Variants in RGS21 observed in about 807,000 individuals in gnomAD.
RGS21 encodes the protein regulator of G-protein signalling 21.
In RGS21, 19 loss-of-function variants were observed where a neutral mutation model predicts 18.7. The observed-to-expected ratio is 1.01, with a 90% CI of 0.71 to 1.49. The LOEUF is 1.49. RGS21 is among the 40% of genes most tolerant of loss of function. The pLI is 0.00. For synonymous variants in RGS21, 56 were observed against 57.8 expected (o/e 0.97, Z 0.14); for missense variants, 194 against 176.8 (o/e 1.10, Z -0.55).
intron 2 of RGS21, among the ~76,000 whole-genome samples, chr1:192,343,422 C>T (rs1052932758): frequency 3.9e-5 from 6 of 152,064 alleles, no homozygotes; most frequent in African/African-American, 1.4e-4. Flanking sequence ...AAGGAAGCAG[C>T]TGTCACTTCC....
chr1:192,363,720 T>G (rs546135614), intron 4 of RGS21, among the ~76,000 whole-genome samples: 1 of 152,212 alleles, frequency 6.6e-6, no homozygotes, highest in East Asian at 1.9e-4. Flanking sequence ...GGATCTCCTT[T>G]TACAATATTA....
chr1:192,331,282 G>A (rs1658643932), intron 1 of RGS21, among the ~76,000 whole-genome samples: 2 of 152,158 alleles, frequency 1.3e-5, no homozygotes, highest in Admixed American at 1.3e-4. Flanking sequence ...GGCTGGGTGT[G>A]GTGGCTCACG....
chr1:192,345,903 C>T (rs1354091400), intron 2 of RGS21, among the ~76,000 whole-genome samples: 2 of 151,844 alleles, frequency 1.3e-5, no homozygotes, highest in Non-Finnish European at 2.9e-5. Context: ...TTATAGAGTA[C>T]ACAAAATATC....
intron 3 of RGS21, among the ~76,000 whole-genome samples, chr1:192,348,347 G>A (rs978226185): frequency 4.6e-5 from 7 of 152,084 alleles, no homozygotes; most frequent in Middle Eastern, 6.8e-3. Context: ...ATTTGATCAC[G>A]ACTGCCTTTG....
At chr1:192,337,262 C>T (rs569709531) in intron 1 of RGS21, among the ~76,000 whole-genome samples, 10 of 152,000 alleles carry the variant, frequency 6.6e-5, no homozygotes, top group South Asian at 2.1e-4. Flanking sequence ...AGGAATCATT[C>T]CTCTCAGTAT....
intron 4 of RGS21, among the ~76,000 whole-genome samples, chr1:192,353,636 T>C (rs561961841): frequency 6.6e-6 from 1 of 151,830 alleles, no homozygotes; most frequent in Non-Finnish European, 1.5e-5. Flanking sequence ...AAATGTCATC[T>C]TTTAATTATA....
At chr1:192,364,149 G>C (rs1659223444) in intron 4 of RGS21, among the ~76,000 whole-genome samples, 1 of 152,032 alleles carries the variant, frequency 6.6e-6, no homozygotes, top group Non-Finnish European at 1.5e-5. Flanking sequence ...GACTTGAAAA[G>C]GATCCCCAAG....
chr1:192,353,981 T>C (rs1408522825), intron 4 of RGS21, among the ~76,000 whole-genome samples: 1 of 151,656 alleles, frequency 6.6e-6, no homozygotes, highest in Admixed American at 6.6e-5. Context: ...TATATACATA[T>C]ATATATGAAA....
At chr1:192,365,624 GA>G (rs1659247933) in intron 4 of RGS21, among the ~76,000 whole-genome samples, 1 of 152,010 alleles carries the variant, frequency 6.6e-6, no homozygotes, top group Non-Finnish European at 1.5e-5. Flanking sequence ...AAAGGTAGGT[GA>G]AAAAAATGTA....
intron 4 of RGS21, among the ~76,000 whole-genome samples, chr1:192,363,148 A>C (rs1255721423): frequency 2.0e-5 from 3 of 152,186 alleles, no homozygotes; most frequent in Non-Finnish European, 4.4e-5. Context: ...AATACAGGGC[A>C]CACATAAAAG....
In RGS21 at chr1:192,352,049, G is replaced by A; in HGVS notation, c.91G>A (p.Gly31Ser). 6.3e-7 allele frequency: 1 copy of A among 1,581,488 alleles called. No homozygotes were observed. The highest frequency in any genetic ancestry group is 1.2e-5 in the South Asian group (1 of 86,750). ...NMDTLLANQAGLDAFRIFLKS... is the reference protein window; with the variant it reads ...NMDTLLANQASLDAFRIFLKS... ...ACTTTTTCTCATATATTTTATAGCT[G>A]GTCTAGATGCTTTTCGAATATTTCT... Residue 31 changes from glycine to serine, a missense_variant and splice_region_variant, in exon 4 of 5, where the codon GGT becomes AGT. Coordinates refer to ENST00000417209, the MANE Select transcript of RGS21 (RefSeq NM_001039152.3).
chr1:192,326,789 G>A lies in RGS21; in HGVS notation c.-61+9684G>A, dbSNP rs1029891382. 2.0e-5 allele frequency among the ~76,000 whole-genome samples: 3 copies of A among 152,216 alleles called. No individual in the cohort carries two copies. The South Asian group carries it at 6.2e-4, about 32-fold the overall frequency. ...AACTTTGGAAGTAGCATCTTTATGTGCCTATCATTTAAGTCAAGAAGGACA... is the reference window on the plus strand; with the variant it reads ...AACTTTGGAAGTAGCATCTTTATGTACCTATCATTTAAGTCAAGAAGGACA... On this transcript the variant is annotated intron_variant, in intron 1 of 4. Transcript: ENST00000417209.
intron 3 of RGS21, among the ~76,000 whole-genome samples, chr1:192,351,497 C>T (rs1250690923): frequency 5.9e-5 from 9 of 151,682 alleles, no homozygotes; most frequent in African/African-American, 9.7e-5. Flanking sequence ...TTGACCTGAG[C>T]GTAGTGCAAT....
intron 1 of RGS21, among the ~76,000 whole-genome samples, chr1:192,341,495 TA>T (rs1658861190): frequency 6.6e-6 from 1 of 152,108 alleles, no homozygotes; most frequent in South Asian, 2.1e-4. Context: ...TTCAGCCTAA[TA>T]AGAAAGCTTA....
In RGS21 at chr1:192,366,720, TG is replaced by T. The variant is rs1291132145; in HGVS notation, c.*598del. On this transcript the variant is annotated 3_prime_UTR_variant, in exon 5 of 5. Coordinates refer to ENST00000417209, the MANE Select transcript of RGS21 (RefSeq NM_001039152.3). ...CCAAAGTTTTTCAAAATATATCACTTGGCTCAATTCAATGGCATCACATATA... is the reference window on the plus strand; with the variant it reads ...CCAAAGTTTTTCAAAATATATCACTTGCTCAATTCAATGGCATCACATATA... 6.6e-6 allele frequency: 1 copy of T among 152,068 alleles called. No homozygotes were observed. Among genetic ancestry groups the T allele is most frequent in the African/African-American group, 2.4e-5 (1 of 41,446 alleles). The allele number at this position is 152,068 out of a possible 1,614,324, so 9.4% of individuals were successfully genotyped here.
chr1:192,360,160 C>T (rs1381349083), intron 4 of RGS21, among the ~76,000 whole-genome samples: 1 of 152,030 alleles, frequency 6.6e-6, no homozygotes, highest in Non-Finnish European at 1.5e-5. Flanking sequence ...GAATCTCAAA[C>T]TTAACAAATT....
At chr1:192,351,676 C>T (rs954178528) in intron 3 of RGS21, among the ~76,000 whole-genome samples, 1 of 147,204 alleles carries the variant, frequency 6.8e-6, no homozygotes, top group Non-Finnish European at 1.5e-5. Flanking sequence ...ATATATAACA[C>T]ATATAATATA....
chr1:192,361,757 G>C, intron 4 of RGS21, among the ~76,000 whole-genome samples: 1 of 152,022 alleles, frequency 6.6e-6, no homozygotes, highest in East Asian at 1.9e-4. Flanking sequence ...TGTTGGATCT[G>C]GCTGGTCTTT....
At chr1:192,317,351 A>T (rs1001584000) in intron 1 of RGS21, among the ~76,000 whole-genome samples, 10 of 152,058 alleles carry the variant, frequency 6.6e-5, no homozygotes, top group Admixed American at 2.6e-4. Context: ...TTTGTAAAAA[A>T]GATGAACAAA....
Sources: gnomAD v4.1 joint callset for allele counts (sites outside exome capture counted in the v4.1 genomes callset) on GRCh38, gnomAD v4.1.1 for gene constraint, MANE v1.5 for transcripts, NCBI Gene and HGNC (gene_info 2026-07-23, HGNC 2026-07-21) for gene names.